The following RAB11FIP4 variants were observed in gnomAD, a reference collection of about 807,000 sequenced individuals.
RAB11FIP4 encodes rab11 family-interacting protein 4.
A neutral mutation model predicts 74.3 loss-of-function variants in RAB11FIP4; 23 were observed. The ratio of observed to expected loss-of-function variants is 0.31; its 90% CI spans 0.22 to 0.44. The LOEUF is 0.44. Among genes scored for constraint, RAB11FIP4 ranks in the 20% least tolerant of loss-of-function variants. The pLI is 1.00. For missense variants in RAB11FIP4, 630 were observed against 863.9 expected, an observed-to-expected ratio of 0.73 and a Z score of 3.39; for synonymous variants, 360 against 359.9, an observed-to-expected ratio of 1.00 and a Z score of 0.00.
intron 10 of RAB11FIP4, chr17:31,526,371 G>A (rs925186296): frequency 3.9e-5 from 6 of 152,178 alleles, no homozygotes; most frequent in Admixed American, 3.3e-4. Flanking sequence ...GGCGCCATTC[G>A]TGTAAAATAT....
At chr17:31,451,763 C>T (rs2071529653) in intron 3 of RAB11FIP4, among the ~76,000 whole-genome samples, 1 of 152,098 alleles carries the variant, frequency 6.6e-6, no homozygotes, top group African/African-American at 2.4e-5. Flanking sequence ...CTTCAGGTTT[C>T]AGCACAAATG....
Position 31,530,188 on chromosome 17 carries a change from C to T in RAB11FIP4, c.1654-138C>T, listed in dbSNP as rs1387515013. On this transcript the variant is annotated intron_variant, in intron 13 of 14. Coordinates refer to ENST00000621161, the MANE Select transcript of RAB11FIP4 (RefSeq NM_032932.6). ...TTGGCAAAGGCTGCAACATCTATGG[C>T]CCCTTGAACCAGCCGTGACACACAC... The T allele has an allele frequency of 5.3e-6, 6 of 1,126,656 alleles. No homozygotes were observed. In the Admixed American group the frequency reaches 8.3e-5, roughly 16 times the overall value. 69.8% of individuals were successfully genotyped at this position (1,126,656 alleles called of 1,614,324 possible).
intron 3 of RAB11FIP4, among the ~76,000 whole-genome samples, chr17:31,441,630 C>T (rs1438421794): frequency 1.3e-5 from 2 of 151,924 alleles, no homozygotes; most frequent in East Asian, 3.9e-4. Flanking sequence ...CGGGTTCAAG[C>T]AATTCTCCTG....
rs2072812815 is a variant in RAB11FIP4 at position 31,528,634 on chromosome 17, G to A, written c.1509G>A (p.Leu503=). 1 of 1,613,570 alleles carries A rather than the reference G, an allele frequency of 6.2e-7. No individual in the cohort carries two copies. Among genetic ancestry groups the A allele is most frequent in the Non-Finnish European group, 8.5e-7 (1 of 1,179,826 alleles). The part of the protein sequence containing the change: ...REATQELIED[L]RKELEHLQMY... Reference sequence around the variant, plus strand: ...CTCCCTCGCAGCTCATCGAGGACTTGCGGAAGGAGCTGGAGCACCTGCAGA... The same window carrying A: ...CTCCCTCGCAGCTCATCGAGGACTTACGGAAGGAGCTGGAGCACCTGCAGA... Residue 503 remains leucine (L), a synonymous_variant, in exon 13 of 15, where the codon TTG becomes TTA. Transcript: ENST00000621161.
chr17:31,523,186 G>T (rs1490699591), intron 7 of RAB11FIP4: 1 of 380,914 alleles, frequency 2.6e-6, no homozygotes, highest in South Asian at 2.9e-5. Context: ...ACTGGAAGAG[G>T]AGGGGGCTCA....
In RAB11FIP4 at chr17:31,536,620, A is replaced by G. The variant is rs2072968488; in HGVS notation, c.*4888A>G. ...GAGGTCTGCTGCGCCAAGGGGCCTC[A>G]AGTTAGAAGGGCCATGCCGTCAGTG... On this transcript the variant is annotated 3_prime_UTR_variant, in exon 15 of 15. Coordinates refer to ENST00000621161, the MANE Select transcript of RAB11FIP4 (RefSeq NM_032932.6). The G allele has an allele frequency of 5.5e-6, 1 of 182,178 alleles. No individual in the cohort carries two copies. The allele number at this position is 182,178 out of a possible 1,614,324, so 11.3% of individuals were successfully genotyped here.
chr17:31,448,978 G>T (rs986902592), intron 3 of RAB11FIP4, among the ~76,000 whole-genome samples: 4 of 152,118 alleles, frequency 2.6e-5, no homozygotes, highest in African/African-American at 7.2e-5. Flanking sequence ...GAATGCAATG[G>T]ATTAATGTTT....
chr17:31,509,686 TG>T (rs1275676494), intron 3 of RAB11FIP4, among the ~76,000 whole-genome samples: 1 of 152,310 alleles, frequency 6.6e-6, no homozygotes, highest in East Asian at 1.9e-4. Context: ...CGGGAAGCTC[TG>T]GGCTGCAGAG....
chr17:31,412,116 C>A (rs1389359545), intron 1 of RAB11FIP4, among the ~76,000 whole-genome samples: 1 of 152,186 alleles, frequency 6.6e-6, no homozygotes, highest in Non-Finnish European at 1.5e-5. Context: ...TCAGTGCTGG[C>A]AGCTGAACCC....
At chr17:31,520,820 T>C (rs1311936463) in intron 4 of RAB11FIP4, 1 of 154,610 alleles carries the variant, frequency 6.5e-6, no homozygotes, top group Non-Finnish European at 1.4e-5. Context: ...TACAAATGTT[T>C]TAACAAACCT....
intron 1 of RAB11FIP4, among the ~76,000 whole-genome samples, chr17:31,394,154 G>A (rs2151611349): frequency 6.6e-6 from 1 of 152,298 alleles, no homozygotes; most frequent in East Asian, 1.9e-4. Flanking sequence ...CAGAAAACTG[G>A]AAATAGGGAC....
At chr17:31,457,897 ATC>A (rs1296791573) in intron 3 of RAB11FIP4, among the ~76,000 whole-genome samples, 1 of 151,162 alleles carries the variant, frequency 6.6e-6, no homozygotes, top group African/African-American at 2.4e-5. Flanking sequence ...TCTGCACCCC[ATC>A]TCTCTCTGTC....
Position 31,527,829 on chromosome 17 carries a change from C to G in RAB11FIP4, c.1275-13C>G, listed in dbSNP as rs1479550471. The G allele has an allele frequency of 6.3e-7, 1 of 1,594,980 alleles. No homozygotes were observed. Among genetic ancestry groups the G allele is most frequent in the Non-Finnish European group, 8.5e-7 (1 of 1,170,480 alleles). ...TTCCAGGTTTCTGAGATTTGTCTTTCTCCTTTCGCCAGGGTGCAGCAGTTG... is the reference window on the plus strand; with the variant it reads ...TTCCAGGTTTCTGAGATTTGTCTTTGTCCTTTCGCCAGGGTGCAGCAGTTG... On this transcript the variant is annotated splice_polypyrimidine_tract_variant and intron_variant, in intron 10 of 14. Transcript: ENST00000621161.
intron 1 of RAB11FIP4, among the ~76,000 whole-genome samples, chr17:31,415,810 C>CGG (rs1333905812): frequency 6.6e-6 from 1 of 152,198 alleles, no homozygotes; most frequent in Non-Finnish European, 1.5e-5. Flanking sequence ...CTCAGCCCCC[C>CGG]TGCGGACGGT....
intron 1 of RAB11FIP4, among the ~76,000 whole-genome samples, chr17:31,414,558 A>G (rs2071129208): frequency 6.6e-6 from 1 of 152,344 alleles, no homozygotes; most frequent in Non-Finnish European, 1.5e-5. Flanking sequence ...ATGAGGGGCC[A>G]CCTGATGACA....
chr17:31,403,874 T>G lies in RAB11FIP4; in HGVS notation c.159+11863T>G, dbSNP rs373105312. On this transcript the variant is annotated intron_variant, in intron 1 of 14. Transcript: ENST00000621161. ...GAGAAATCTGAAATTTGAGACTTCC[T>G]CTGGCTGGGGACTTTGAGCCTGGGG... Among the ~76,000 whole-genome samples, 86 of 152,134 alleles carry G rather than the reference T, an allele frequency of 5.7e-4. 2 individuals carry two copies. In the South Asian group the frequency reaches 0.017, roughly 30 times the overall value.
intron 3 of RAB11FIP4, among the ~76,000 whole-genome samples, chr17:31,511,193 ATGAATGG>A (rs997775868): frequency 6.6e-6 from 1 of 152,164 alleles, no homozygotes; most frequent in Non-Finnish European, 1.5e-5. Context: ...TGCAGAGCTC[ATGAATGG>A]TGAATGGTGG....
rs890376973 is a variant in RAB11FIP4 at position 31,507,872 on chromosome 17, C to T, written c.337-9779C>T. Among the ~76,000 whole-genome samples the T allele has an allele frequency of 3.9e-5, 6 of 152,064 alleles. No individual in the cohort carries two copies. In the South Asian group the frequency reaches 6.2e-4, roughly 16 times the overall value. ...TTATTTTTAGACAGGGTCTCACTCCCGTTGCCCAGGCTGGAGTGCAGTGGC... is the reference window on the plus strand; with the variant it reads ...TTATTTTTAGACAGGGTCTCACTCCTGTTGCCCAGGCTGGAGTGCAGTGGC... On this transcript the variant is annotated intron_variant, in intron 3 of 14. Transcript: ENST00000621161.
At chr17:31,448,976 T>A (rs933847754) in intron 3 of RAB11FIP4, among the ~76,000 whole-genome samples, 1 of 152,114 alleles carries the variant, frequency 6.6e-6, no homozygotes, top group Non-Finnish European at 1.5e-5. Context: ...GAGAATGCAA[T>A]GGATTAATGT....
Sources: allele counts gnomAD v4.1 joint callset (sites outside exome capture counted in the v4.1 genomes callset), GRCh38; gene constraint gnomAD v4.1.1; transcripts MANE v1.5; gene names NCBI Gene and HGNC (gene_info 2026-07-23, HGNC 2026-07-21).